The following GPATCH2 variants were observed in gnomAD, a reference collection of about 807,000 sequenced individuals.
The protein encoded by GPATCH2 is G-patch domain containing 2.
GPATCH2 carries 51 observed loss-of-function variants against 58.0 expected under a neutral mutation model. The ratio of observed to expected loss-of-function variants is 0.88; its 90% CI spans 0.70 to 1.11. The LOEUF (loss-of-function observed/expected upper bound fraction) is 1.11, where lower values mean the gene tolerates loss of function less well. Among genes scored for constraint, GPATCH2 ranks in the 50% most tolerant of loss-of-function variants. The pLI is 0.00. For synonymous variants in GPATCH2, 222 were observed against 218.5 expected (o/e 1.02, Z -0.14); for missense variants, 625 against 652.2 (o/e 0.96, Z 0.45).
intron 1 of GPATCH2, among the ~76,000 whole-genome samples, chr1:217,630,479 G>A (rs1485110568): frequency 9.2e-5 from 14 of 152,076 alleles, no homozygotes; most frequent in Admixed American, 7.9e-4. Context: ...GGGTGAGAGG[G>A]TGATGTGTTT....
At chr1:217,567,136 T>C (rs527930730) in intron 5 of GPATCH2, among the ~76,000 whole-genome samples, 1 of 145,882 alleles carries the variant, frequency 6.9e-6, no homozygotes, top group Admixed American at 7.2e-5. Flanking sequence ...AACCTCCACC[T>C]CCTAGGTTCA....
rs553392606 is a variant in GPATCH2, at chr1:217,628,682, TAA to T, written c.56+2232_56+2233del. Among the ~76,000 whole-genome samples, 406 of 131,074 alleles carry T rather than the reference TAA, an allele frequency of 3.1e-3. 2 individuals carry two copies. The highest frequency in any genetic ancestry group is 3.6e-3 in the African/African-American group (128 of 35,380). The allele number at this position is 131,074 out of a possible 152,430, so 86.0% of individuals were successfully genotyped here. A position where few individuals can be genotyped will look rare whatever the true frequency, so the allele number is the denominator to read the frequency against. The stretch of plus-strand genomic sequence containing the variant: ...TTTAAGCAAAGCCACATAATAAAGT[TAA>T]AAAAAAAAAAAAAAGAATACCATAG... On this transcript the variant is annotated intron_variant, in intron 1 of 9. Transcript: ENST00000366935.
chr1:217,433,239 C>T (rs1411946142), intron 9 of GPATCH2, among the ~76,000 whole-genome samples: 1 of 151,846 alleles, frequency 6.6e-6, no homozygotes, highest in Non-Finnish European at 1.5e-5. Flanking sequence ...CCTTGGATCT[C>T]AAACATCAAT....
intron 7 of GPATCH2, among the ~76,000 whole-genome samples, chr1:217,494,595 C>G (rs376078967): frequency 3.7e-4 from 56 of 152,004 alleles, no homozygotes; most frequent in African/African-American, 1.1e-3. Flanking sequence ...AAAAATTAGC[C>G]GGGCATGGTG....
At chr1:217,584,279 G>C (rs926320547) in intron 5 of GPATCH2, among the ~76,000 whole-genome samples, 4 of 148,114 alleles carry the variant, frequency 2.7e-5, no homozygotes, top group African/African-American at 4.9e-5. Flanking sequence ...GATCACTTGA[G>C]GTCAGGAGTT....
chr1:217,503,378 A>G (rs549267677), intron 6 of GPATCH2, among the ~76,000 whole-genome samples: 2 of 152,270 alleles, frequency 1.3e-5, no homozygotes, highest in South Asian at 4.1e-4. Flanking sequence ...TTTGGCTTTC[A>G]AAGTATGAGA....
Position 217,506,821 on chromosome 1 carries a change from G to A in GPATCH2, c.1166+8001C>T, listed in dbSNP as rs565287727. ...TCCTTTAGTTTCTTGAACACAATAC[G>A]TATTACTTTCTCTGCCTGAAAAGCT... On this transcript the variant is annotated intron_variant, in intron 6 of 9. Coordinates refer to ENST00000366935, the MANE Select transcript of GPATCH2 (RefSeq NM_018040.5). Among the ~76,000 whole-genome samples, 56 of 152,058 alleles carry A rather than the reference G, an allele frequency of 3.7e-4. 1 individual carries two copies. The highest frequency in any genetic ancestry group is 7.5e-4 in the Non-Finnish European group (51 of 68,022).
rs1201067578 is a variant in GPATCH2, at chr1:217,428,753, G to A, written c.*2392C>T. ...GAAGAAGAACTGTCTTCTATTAGCT[G>A]AAAATACAAAGAAGAATTTTTTTAG... On this transcript the variant is annotated 3_prime_UTR_variant, in exon 10 of 10. Transcript: ENST00000366935. 1 of 152,170 alleles carries A rather than the reference G, an allele frequency of 6.6e-6. No individual in the cohort carries two copies. Among genetic ancestry groups the A allele is most frequent in the Non-Finnish European group, 1.5e-5 (1 of 68,026 alleles). The allele number at this position is 152,170 out of a possible 1,614,324, so 9.4% of individuals were successfully genotyped here. A position where few individuals can be genotyped will look rare whatever the true frequency, so the allele number is the denominator to read the frequency against.
At chr1:217,479,695 T>G (rs1376561174) in intron 8 of GPATCH2, among the ~76,000 whole-genome samples, 1 of 152,078 alleles carries the variant, frequency 6.6e-6, no homozygotes, top group African/African-American at 2.4e-5. Context: ...TGGACTAAAC[T>G]CTCCAGTTAA....
At chr1:217,630,775 A>T (rs1021868785) in intron 1 of GPATCH2, 141 bp downstream of exon 1, 31 of 620,654 alleles carry the variant, frequency 5.0e-5, no homozygotes, top group Admixed American at 1.2e-4. Flanking sequence ...CGTGCATCCC[A>T]GGAATGAGTG....
At chr1:217,444,393 G>A (rs1037395346) in intron 9 of GPATCH2, among the ~76,000 whole-genome samples, 1 of 152,162 alleles carries the variant, frequency 6.6e-6, no homozygotes, top group Admixed American at 6.5e-5. Context: ...TTTTGGTCTT[G>A]AACATTTCCC....
chr1:217,505,603 G>GA (rs1240626360), intron 6 of GPATCH2, among the ~76,000 whole-genome samples: 1 of 152,006 alleles, frequency 6.6e-6, no homozygotes, highest in East Asian at 1.9e-4. Flanking sequence ...CTTAACTGAG[G>GA]TCTCCTAAAA....
In GPATCH2 at chr1:217,428,078, C is replaced by T. The variant is rs1475213570; in HGVS notation, c.*3067G>A. On this transcript the variant is annotated 3_prime_UTR_variant, in exon 10 of 10. Coordinates refer to ENST00000366935, the MANE Select transcript of GPATCH2 (RefSeq NM_018040.5). ...AAGTAACCAAATTAAATAGTGTATT[C>T]GGGGAGCAGAAAAGAAGGAAACAAA... 1 of 152,020 alleles carries T rather than the reference C, an allele frequency of 6.6e-6. No homozygotes were observed. Among genetic ancestry groups the T allele is most frequent in the Non-Finnish European group, 1.5e-5 (1 of 67,968 alleles). 9.4% of individuals were successfully genotyped at this position (152,020 alleles called of 1,614,324 possible). A position where few individuals can be genotyped will look rare whatever the true frequency, so the allele number is the denominator to read the frequency against.
At chr1:217,449,702 A>G (rs1659569296) in intron 8 of GPATCH2, among the ~76,000 whole-genome samples, 1 of 152,202 alleles carries the variant, frequency 6.6e-6, no homozygotes, top group African/African-American at 2.4e-5. Flanking sequence ...TTGGTTACTA[A>G]TGCTTTACTG....
In GPATCH2 at chr1:217,524,651, G is replaced by A. The variant is rs1333832452; in HGVS notation, c.1099-9762C>T. 8.7e-4 allele frequency among the ~76,000 whole-genome samples: 132 copies of A among 151,700 alleles called. 1 individual carries two copies. The highest frequency in any genetic ancestry group is 1.3e-3 in the Non-Finnish European group (91 of 67,916). On this transcript the variant is annotated intron_variant, in intron 5 of 9. Transcript: ENST00000366935. ...AGGCTGGCGGATCACTCGCGGTTAG[G>A]AGCTGGAGACCAGCCCTGCCAACAC...
At chr1:217,564,005 T>A (rs1053434995) in intron 5 of GPATCH2, among the ~76,000 whole-genome samples, 1 of 125,276 alleles carries the variant, frequency 8.0e-6, no homozygotes. Flanking sequence ...GATCGCGGCA[T>A]TGCACTCCAG....
chr1:217,534,033 T>C (rs575364130), intron 5 of GPATCH2, among the ~76,000 whole-genome samples: 4 of 151,948 alleles, frequency 2.6e-5, no homozygotes, highest in Non-Finnish European at 4.4e-5. Context: ...CTGGCCAACA[T>C]GATGAAACCC....
At chr1:217,459,474 G>A (rs182125795) in intron 8 of GPATCH2, among the ~76,000 whole-genome samples, 381 of 152,216 alleles carry the variant, frequency 2.5e-3, no homozygotes, top group Middle Eastern at 6.8e-3. Context: ...GGAAATAGTA[G>A]GCACTTACTA....
intron 6 of GPATCH2, among the ~76,000 whole-genome samples, chr1:217,513,070 G>A (rs1394537000): frequency 6.6e-6 from 1 of 152,108 alleles, no homozygotes; most frequent in African/African-American, 2.4e-5. Context: ...TGGGCAGAAG[G>A]CCTGAGGTCA....
Sources: allele counts gnomAD v4.1 joint callset (sites outside exome capture counted in the v4.1 genomes callset), GRCh38; gene constraint gnomAD v4.1.1; transcripts MANE v1.5; gene names NCBI Gene and HGNC (gene_info 2026-07-23, HGNC 2026-07-21).